The following CFAP251 variants were observed in gnomAD, a reference collection of about 807,000 sequenced individuals.
The protein encoded by CFAP251 is cilia- and flagella-associated protein 251.
CFAP251 carries 93 observed loss-of-function variants against 126.7 expected under a neutral mutation model. The ratio of observed to expected loss-of-function variants is 0.73; its 90% CI spans 0.62 to 0.87. The LOEUF (loss-of-function observed/expected upper bound fraction) is 0.87, where lower values mean the gene tolerates loss of function less well. CFAP251 is among the 40% of genes least tolerant of loss of function. The probability of loss-of-function intolerance (pLI) is 0.00; values close to 1 mark genes in which losing one functional copy is unlikely to be tolerated. For missense variants in CFAP251, 1,287 were observed against 1,389.2 expected, an observed-to-expected ratio of 0.93 and a Z score of 1.17; for synonymous variants, 503 against 506.9, an observed-to-expected ratio of 0.99 and a Z score of 0.10.
intron 12 of CFAP251, 101 bp downstream of exon 12, chr12:121,958,623 C>A: frequency 6.5e-7 from 1 of 1,539,364 alleles, no homozygotes; most frequent in Non-Finnish European, 8.8e-7. Context: ...TCCCCGACTC[C>A]AGCCCCCAGC....
intron 17 of CFAP251, chr12:121,968,949 C>G (rs1358357958): frequency 9.1e-6 from 9 of 985,302 alleles, no homozygotes; most frequent in Non-Finnish European, 1.1e-5. Flanking sequence ...ACACTGTCCT[C>G]TCATCTACCC....
At chr12:121,960,939 AC>A (rs1246701228) in intron 14 of CFAP251, among the ~76,000 whole-genome samples, 181 bp downstream of exon 14, 4 of 152,186 alleles carry the variant, frequency 2.6e-5, no homozygotes. Context: ...CTGGGACACC[AC>A]CTGGGGACTC....
At chr12:121,935,456 G>A (rs1392399810) in intron 5 of CFAP251, among the ~76,000 whole-genome samples, 1 of 152,160 alleles carries the variant, frequency 6.6e-6, no homozygotes. Flanking sequence ...CAGACATCCA[G>A]GATCCCACCC....
At chr12:121,950,118 G>A (rs543579863) in intron 8 of CFAP251, 1 of 152,332 alleles carries the variant, frequency 6.6e-6, no homozygotes, top group South Asian at 2.1e-4. Context: ...ACAAAATGTG[G>A]TCTATCCATA....
rs752226265 is a variant in CFAP251 at position 121,931,854 on chromosome 12, A to G, written c.856A>G (p.Asn286Asp). The G allele has an allele frequency of 2.5e-6, 4 of 1,599,256 alleles. No individual in the cohort carries two copies. The highest frequency in any genetic ancestry group is 3.5e-5 in the Admixed American group (2 of 57,494). ...YVCAHTAIIY[N>D]VFRNNQYHLQ... is the part of the protein sequence containing the mutation. ...TTGTGCTCACACTGCGATCATCTAC[A>G]ACGTGTTCAGGAACAATCAATACCA... Residue 286 changes from asparagine (N) to aspartate (D), a missense_variant, in exon 4 of 22, where the codon AAC (asparagine) becomes GAC (aspartate). Coordinates refer to ENST00000288912, the MANE Select transcript of CFAP251 (RefSeq NM_144668.6).
chr12:121,996,213 A>G (rs1883019025), intron 19 of CFAP251, among the ~76,000 whole-genome samples: 1 of 152,236 alleles, frequency 6.6e-6, no homozygotes, highest in Admixed American at 6.5e-5. Context: ...ACCAAAGTAG[A>G]ATGCCTGTTC....
At chr12:121,997,705 TATA>T (rs1883051217) in intron 19 of CFAP251, 1 of 151,984 alleles carries the variant, frequency 6.6e-6, no homozygotes, top group African/African-American at 2.4e-5. Context: ...ATTAATTTAT[TATA>T]ATTATTGTGC....
At chr12:121,996,196 C>T (rs552131893) in intron 19 of CFAP251, among the ~76,000 whole-genome samples, 1 of 152,284 alleles carries the variant, frequency 6.6e-6, no homozygotes, top group Admixed American at 6.5e-5. Flanking sequence ...CTGGTTCATT[C>T]CCACAGACCA....
chr12:121,992,741 A>G (rs7138299), intron 19 of CFAP251, among the ~76,000 whole-genome samples: 8,139 of 151,674 alleles, frequency 0.054, 256 homozygotes, highest in Middle Eastern at 0.071. Flanking sequence ...CACCACGCCA[A>G]GCTAATTTGT....
At chr12:121,960,470 G>A (rs113820534) in intron 13 of CFAP251, 115 bp from the exon 14 acceptor site, 55 of 1,131,692 alleles carry the variant, frequency 4.9e-5, no homozygotes, top group Admixed American at 4.7e-4. Flanking sequence ...CACCCGCCTC[G>A]GCCTCCCAAA....
At chr12:121,926,897 T>C (rs994396052) in intron 3 of CFAP251, among the ~76,000 whole-genome samples, 5 of 152,188 alleles carry the variant, frequency 3.3e-5, no homozygotes, top group Non-Finnish European at 5.9e-5. Flanking sequence ...TGAGCCAAGA[T>C]TGCGCCATTG....
At chr12:121,990,904 A>G (rs1882861973) in intron 19 of CFAP251, among the ~76,000 whole-genome samples, 1 of 152,176 alleles carries the variant, frequency 6.6e-6, no homozygotes, top group Non-Finnish European at 1.5e-5. Context: ...ATCTCTTCAC[A>G]TGGCCCAGAC....
chr12:121,929,494 A>G (rs1369441227), intron 3 of CFAP251, among the ~76,000 whole-genome samples: 1 of 151,936 alleles, frequency 6.6e-6, no homozygotes, highest in Non-Finnish European at 1.5e-5. Context: ...GTACCTTATT[A>G]TTAACCTAAG....
chr12:121,928,696 A>G (rs867279003), intron 3 of CFAP251, among the ~76,000 whole-genome samples: 9 of 43,630 alleles, frequency 2.1e-4, no homozygotes, highest in African/African-American at 1.7e-3. Context: ...ATACGTATAT[A>G]TATATATATT....
chr12:121,945,651 A>G (rs1005496793), intron 7 of CFAP251, among the ~76,000 whole-genome samples: 14 of 147,688 alleles, frequency 9.5e-5, no homozygotes, highest in Admixed American at 3.4e-4. Flanking sequence ...CCAGAGTGTT[A>G]TTTTTATTTT....
chr12:121,931,760 G>C lies in CFAP251; in HGVS notation c.762G>C (p.Ser254=), dbSNP rs1330545881. The C allele has an allele frequency of 1.3e-6, 2 of 1,579,984 alleles. No homozygotes were observed. The highest frequency in any genetic ancestry group is 1.7e-6 in the Non-Finnish European group (2 of 1,165,062). Residue 254 remains serine (S), a synonymous_variant, in exon 4 of 22, where the codon TCG becomes TCC. Transcript: ENST00000288912. ...TTGTCTTCCAGACCATGACCTGGTC[G>C]TTTGGATGGAACAGTTCTCTTCCTG... ...TPVYPLTMTW[S]FGWNSSLPVY...
chr12:121,948,180 T>C (rs1881388216), intron 7 of CFAP251: 2 of 152,178 alleles, frequency 1.3e-5, no homozygotes, highest in South Asian at 4.1e-4. Context: ...TCTGCAGGGT[T>C]GGTTTTTGGG....
At chr12:121,954,522 A>G (rs766061212) in intron 10 of CFAP251, among the ~76,000 whole-genome samples, 188 bp downstream of exon 10, 2 of 151,460 alleles carry the variant, frequency 1.3e-5, no homozygotes, top group Non-Finnish European at 2.9e-5. Context: ...ATCTCTACCA[A>G]AAAACAAAGA....
rs75440552 is a variant in CFAP251 at position 121,969,924 on chromosome 12, T to C, written c.2771+1755T>C. On this transcript the variant is annotated intron_variant, in intron 17 of 21. Coordinates refer to ENST00000288912, the MANE Select transcript of CFAP251 (RefSeq NM_144668.6). Reference sequence around the variant, plus strand: ...GGCTTCTGAGAATTTCAATTTAATCTGTGGTGGGGACAAAGGATCATTATA... The same window carrying C: ...GGCTTCTGAGAATTTCAATTTAATCCGTGGTGGGGACAAAGGATCATTATA... 493 of 985,470 alleles carry C rather than the reference T, an allele frequency of 5.0e-4. 6 individuals carry two copies. The African/African-American group carries it at 8.2e-3, about 16-fold the overall frequency. 61.0% of individuals were successfully genotyped at this position (985,470 alleles called of 1,614,324 possible). A position where few individuals can be genotyped will look rare whatever the true frequency, so the allele number is the denominator to read the frequency against.
Sources: gnomAD v4.1 joint callset for allele counts (sites outside exome capture counted in the v4.1 genomes callset) on GRCh38, gnomAD v4.1.1 for gene constraint, MANE v1.5 for transcripts, NCBI Gene and HGNC (gene_info 2026-07-23, HGNC 2026-07-21) for gene names.